CUX2: variants seen among roughly 807,000 people sequenced by gnomAD.
CUX2 encodes cut like homeobox 2, also known as homeobox protein cut-like 2.
In CUX2, 40 loss-of-function variants were observed where a neutral mutation model predicts 144.8. The ratio of observed to expected loss-of-function variants is 0.28; its 90% CI spans 0.21 to 0.36. The LOEUF (loss-of-function observed/expected upper bound fraction) is 0.36. Among genes scored for constraint, CUX2 ranks in the 10% least tolerant of loss-of-function variants. The pLI is 1.00. For synonymous variants in CUX2, 827 were observed against 875.6 expected (o/e 0.94, Z 0.98); for missense variants, 1,615 against 1,994.0 (o/e 0.81, Z 3.62).
chr12:111,080,527 A>AG, intron 1 of CUX2, among the ~76,000 whole-genome samples: 1 of 152,042 alleles, frequency 6.6e-6, no homozygotes. Flanking sequence ...AAAAAAAAAA[A>AG]AAATAGCCAG....
Position 111,293,088 on chromosome 12 carries a change from A to G in CUX2, c.437-358A>G, listed in dbSNP as rs912570764. 2.6e-4 allele frequency among the ~76,000 whole-genome samples: 40 copies of G among 151,838 alleles called. No individual in the cohort carries two copies. The highest frequency in any genetic ancestry group is 8.7e-4 in the African/African-American group (36 of 41,276). The stretch of plus-strand genomic sequence containing the variant: ...CAGTAAGCTGAGATTGTGCCACTGC[A>G]CTCGCAGTCCAGCCTGGGCAACAGA... On this transcript the variant is annotated intron_variant, in intron 5 of 21. Coordinates refer to ENST00000261726, the MANE Select transcript of CUX2 (RefSeq NM_015267.4). The surrounding 1 kb of genome is among the most constrained non-coding windows in gnomAD (Gnocchi z 4.5).
chr12:111,126,048 G>A (rs943888805), intron 1 of CUX2, among the ~76,000 whole-genome samples: 4 of 148,700 alleles, frequency 2.7e-5, no homozygotes, highest in Non-Finnish European at 5.9e-5. Context: ...GTGGCGTGGG[G>A]GGGGCGGATT....
rs1465062876 is a variant in CUX2 at position 111,350,271 on chromosome 12, C to T, written c.*1946C>T. The T allele has an allele frequency of 2.0e-5, 3 of 152,456 alleles. No homozygotes were observed. The highest frequency in any genetic ancestry group is 4.4e-5 in the Non-Finnish European group (3 of 68,034). The allele number at this position is 152,456 out of a possible 1,614,324, so 9.4% of individuals were successfully genotyped here. A position where few individuals can be genotyped will look rare whatever the true frequency, so the allele number is the denominator to read the frequency against. On this transcript the variant is annotated 3_prime_UTR_variant, in exon 22 of 22. Transcript: ENST00000261726. ...GTTGAAACCAACACAACGTTGAAAT[C>T]CAGGCTTATACGCAGACTCCGATTC... is the stretch of plus-strand genomic sequence containing the variant.
intron 4 of CUX2, among the ~76,000 whole-genome samples, chr12:111,290,459 A>C (rs1885614012): frequency 6.6e-6 from 1 of 151,762 alleles, no homozygotes; most frequent in Non-Finnish European, 1.5e-5. Context: ...ATGGAGCCTT[A>C]CTCTGTCCCC....
intron 4 of CUX2, among the ~76,000 whole-genome samples, chr12:111,278,125 A>C: frequency 6.6e-6 from 1 of 152,164 alleles, no homozygotes; most frequent in Admixed American, 6.5e-5. Flanking sequence ...CATGTAACAT[A>C]ACACTCACGG....
In CUX2 at chr12:111,334,161, TA is replaced by T. The variant is rs1343310215; in HGVS notation, c.2927-279del. Among the ~76,000 whole-genome samples, 3 of 149,764 alleles carry T rather than the reference TA, an allele frequency of 2.0e-5. No individual in the cohort carries two copies. The South Asian group carries it at 6.4e-4, about 32-fold the overall frequency. On this transcript the variant is annotated intron_variant, in intron 18 of 21. Transcript: ENST00000261726. ...GAGATCACACCACTGCACTCCAGCC[TA>T]GGCAACAGAGCGAGACTCCGTCTTA...
intron 3 of CUX2, among the ~76,000 whole-genome samples, chr12:111,258,512 C>CAA (rs895707620): frequency 1.1e-3 from 75 of 65,890 alleles, no homozygotes; most frequent in Middle Eastern, 0.01. Context: ...GACTCCATCT[C>CAA]AAAAAAAAAA....
At chr12:111,201,314 G>A (rs1880574167) in intron 1 of CUX2, among the ~76,000 whole-genome samples, 1 of 152,164 alleles carries the variant, frequency 6.6e-6, no homozygotes, top group African/African-American at 2.4e-5. Context: ...GCTGCCTGGA[G>A]GTGGGGGTGG....
chr12:111,176,416 G>C (rs1210487810), intron 1 of CUX2, among the ~76,000 whole-genome samples: 1 of 152,092 alleles, frequency 6.6e-6, no homozygotes, highest in Non-Finnish European at 1.5e-5. Context: ...TTCCCTACCT[G>C]CCATCTTTGT....
At chr12:111,047,107 GC>G (rs1870033122) in intron 1 of CUX2, among the ~76,000 whole-genome samples, 1 of 152,206 alleles carries the variant, frequency 6.6e-6, no homozygotes, top group Admixed American at 6.5e-5. Context: ...TGGAGAATGA[GC>G]ACCACCCGGC....
chr12:111,227,015 C>T (rs919764951), intron 3 of CUX2, among the ~76,000 whole-genome samples: 4 of 152,166 alleles, frequency 2.6e-5, no homozygotes, highest in Non-Finnish European at 4.4e-5. Flanking sequence ...CGTCTGCCTC[C>T]TGGGAGGTGG....
chr12:111,210,974 G>T (rs1443731634), intron 1 of CUX2, among the ~76,000 whole-genome samples: 4 of 152,082 alleles, frequency 2.6e-5, no homozygotes, highest in African/African-American at 9.7e-5. Context: ...CCACACCTCA[G>T]TTATTAGAAT....
Position 111,287,179 on chromosome 12 carries a change from C to T in CUX2, c.302-4239C>T, listed in dbSNP as rs931322482. Among the ~76,000 whole-genome samples the T allele has an allele frequency of 1.3e-5, 2 of 152,220 alleles. No homozygotes were observed. Among genetic ancestry groups the T allele is most frequent in the Admixed American group, 6.5e-5 (1 of 15,284 alleles). ...TGACCCAGAGGGCCTCGGAGTAGAA[C>T]GAAATGTCAATACCTAATCCCTGCG... On this transcript the variant is annotated intron_variant, in intron 4 of 21. Transcript: ENST00000261726. This position sits in a 1 kb window ranked among gnomAD's most constrained non-coding sequence, Gnocchi z 4.2.
At chr12:111,051,628 C>CA in intron 1 of CUX2, among the ~76,000 whole-genome samples, 1 of 151,966 alleles carries the variant, frequency 6.6e-6, no homozygotes, top group African/African-American at 2.4e-5. Context: ...GCCTTTGAAT[C>CA]TAAAGCGTGT....
chr12:111,327,911 A>G (rs888005824), intron 18 of CUX2, among the ~76,000 whole-genome samples: 6 of 152,098 alleles, frequency 3.9e-5, no homozygotes, highest in South Asian at 2.1e-4. Context: ...CAAAAATACA[A>G]AAATCAGCTG....
chr12:111,080,029 T>A (rs1160740087), intron 1 of CUX2, among the ~76,000 whole-genome samples: 1 of 152,172 alleles, frequency 6.6e-6, no homozygotes, highest in African/African-American at 2.4e-5. Context: ...GTCACTTCTG[T>A]TCTCTGGGCC....
intron 1 of CUX2, among the ~76,000 whole-genome samples, chr12:111,119,197 T>A (rs1437505877): frequency 6.6e-6 from 1 of 152,190 alleles, no homozygotes; most frequent in Non-Finnish European, 1.5e-5. Flanking sequence ...GCCATGGCCA[T>A]GTAAAAGTAG....
intron 4 of CUX2, among the ~76,000 whole-genome samples, chr12:111,284,159 G>T (rs1267809311): frequency 6.6e-6 from 1 of 152,140 alleles, no homozygotes. Flanking sequence ...CATCCCAGCT[G>T]TAAGGGATAG....
intron 3 of CUX2, among the ~76,000 whole-genome samples, chr12:111,243,992 G>A (rs573051858): frequency 6.6e-6 from 1 of 152,218 alleles, no homozygotes; most frequent in Non-Finnish European, 1.5e-5. Flanking sequence ...TGGACCAGGG[G>A]CTGATGCTGG....
Sources: gnomAD v4.1 joint callset for allele counts (sites outside exome capture counted in the v4.1 genomes callset) on GRCh38, gnomAD v4.1.1 for gene constraint, Gnocchi (gnomAD v3.1) non-coding constraint, MANE v1.5 for transcripts, NCBI Gene and HGNC (gene_info 2026-07-23, HGNC 2026-07-21) for gene names.